Variants in FAM151B observed in about 807,000 individuals in gnomAD.
FAM151B encodes the protein family with sequence similarity 151 member B, also known as protein FAM151B.
A neutral mutation model predicts 31.2 loss-of-function variants in FAM151B; 24 were observed. That is an observed-to-expected ratio of 0.77 (90% CI 0.56 to 1.08). FAM151B has a LOEUF of 1.08. Among genes scored for constraint, FAM151B ranks in the 50% least tolerant of loss-of-function variants. The pLI is 0.00. For missense variants in FAM151B, 293 were observed against 328.6 expected, an observed-to-expected ratio of 0.89 and a Z score of 0.84; for synonymous variants, 105 against 111.4, an observed-to-expected ratio of 0.94 and a Z score of 0.36.
At chr5:80,504,402 G>A (rs1041863659) in intron 2 of FAM151B, among the ~76,000 whole-genome samples, 6 of 151,190 alleles carry the variant, frequency 4.0e-5, no homozygotes, top group African/African-American at 1.5e-4. Flanking sequence ...TTTCATGTAG[G>A]AGACCTTAGG....
chr5:80,491,227 T>C (rs201350570), intron 1 of FAM151B, among the ~76,000 whole-genome samples: 391 of 123,552 alleles, frequency 3.2e-3, no homozygotes, highest in African/African-American at 9.0e-3. Flanking sequence ...TTATTATTAT[T>C]ATCATTGAGA....
intron 5 of FAM151B, among the ~76,000 whole-genome samples, chr5:80,529,383 A>G (rs931405751): frequency 8.5e-5 from 13 of 152,228 alleles, no homozygotes; most frequent in African/African-American, 3.1e-4. Flanking sequence ...GAAATAACTA[A>G]GATCAGAGCA....
intron 5 of FAM151B, among the ~76,000 whole-genome samples, chr5:80,533,903 A>C (rs1276271423): frequency 6.6e-6 from 1 of 152,124 alleles, no homozygotes; most frequent in Non-Finnish European, 1.5e-5. Flanking sequence ...CAAATAAATA[A>C]AATCAGATAT....
At chr5:80,490,093 T>C (rs1262310307) in intron 1 of FAM151B, among the ~76,000 whole-genome samples, 1 of 145,660 alleles carries the variant, frequency 6.9e-6, no homozygotes, top group African/African-American at 2.6e-5. Context: ...ATAGGATGTA[T>C]AGTGAAAAGT....
chr5:80,535,457 T>C (rs1290253573), intron 5 of FAM151B, among the ~76,000 whole-genome samples: 2 of 152,064 alleles, frequency 1.3e-5, no homozygotes, highest in Non-Finnish European at 2.9e-5. Flanking sequence ...ACACCTACAG[T>C]GTTTTCACAA....
At chr5:80,498,773 A>G in intron 1 of FAM151B, 1 of 545,158 alleles carries the variant, frequency 1.8e-6, no homozygotes, top group East Asian at 4.4e-5. Flanking sequence ...CACCACCACA[A>G]AGTCTCAACC....
chr5:80,500,441 A>G (rs1343643332), intron 1 of FAM151B: 16 of 1,041,466 alleles, frequency 1.5e-5, no homozygotes, highest in Non-Finnish European at 2.4e-5. Flanking sequence ...AAAGAAGTTT[A>G]CCCAAAAGAT....
At chr5:80,538,725 T>C (rs1745720164) in intron 5 of FAM151B, among the ~76,000 whole-genome samples, 1 of 151,316 alleles carries the variant, frequency 6.6e-6, no homozygotes, top group African/African-American at 2.4e-5. Flanking sequence ...ACCTCCCCAG[T>C]AGCTGGGATT....
At chr5:80,497,256 T>C (rs1020895942) in intron 1 of FAM151B, among the ~76,000 whole-genome samples, 25 of 151,976 alleles carry the variant, frequency 1.6e-4, no homozygotes, top group Non-Finnish European at 8.8e-5. Context: ...TGAAACACCA[T>C]TTCTACTAAA....
At chr5:80,490,761 G>A (rs538807966) in intron 1 of FAM151B, among the ~76,000 whole-genome samples, 2 of 152,172 alleles carry the variant, frequency 1.3e-5, no homozygotes, top group African/African-American at 4.8e-5. Flanking sequence ...CCTTTTTATG[G>A]CCAAAAAAGG....
chr5:80,498,141 C>T (rs180741035), intron 1 of FAM151B, among the ~76,000 whole-genome samples: 1 of 152,270 alleles, frequency 6.6e-6, no homozygotes, highest in African/African-American at 2.4e-5. Context: ...TATTGTTGGA[C>T]ATTTGTTATA....
intron 1 of FAM151B, chr5:80,500,680 C>G: frequency 1.3e-6 from 1 of 783,920 alleles, no homozygotes; most frequent in Non-Finnish European, 2.3e-6. Context: ...TTCATCAAAT[C>G]TTCAGTGGAA....
At position 80,498,167 on chromosome 5, in the gene FAM151B, G is replaced by A. The variant is rs936115701; in HGVS notation, c.26-3625G>A. On this transcript the variant is annotated intron_variant, in intron 1 of 5. Coordinates refer to ENST00000282226, the MANE Select transcript of FAM151B (RefSeq NM_205548.3). ...ATTTGTTATAGCCAATCAATAATGTGCCTTCTAAAATGGCTACCTTAATAT... is the reference window on the plus strand; with the variant it reads ...ATTTGTTATAGCCAATCAATAATGTACCTTCTAAAATGGCTACCTTAATAT... 9.2e-5 allele frequency among the ~76,000 whole-genome samples: 14 copies of A among 152,198 alleles called. No individual in the cohort carries two copies. The East Asian group carries it at 2.5e-3, about 27-fold the overall frequency.
intron 2 of FAM151B, among the ~76,000 whole-genome samples, chr5:80,509,416 A>G (rs550820603): frequency 7.7e-4 from 118 of 152,264 alleles, no homozygotes; most frequent in African/African-American, 2.8e-3. Context: ...CTTCCACCAG[A>G]TGAAAATGCA....
intron 3 of FAM151B, among the ~76,000 whole-genome samples, chr5:80,518,176 G>C (rs1041371251): frequency 6.6e-6 from 1 of 151,774 alleles, no homozygotes; most frequent in African/African-American, 2.4e-5. Flanking sequence ...AGCCTAAAAG[G>C]CTCCCTCCTG....
At chr5:80,513,871 C>A in intron 3 of FAM151B, 102 bp downstream of exon 3, 3 of 1,137,368 alleles carry the variant, frequency 2.6e-6, no homozygotes, top group Non-Finnish European at 3.7e-6. Flanking sequence ...GAATTGTAGA[C>A]TCTAATATAT....
intron 2 of FAM151B, among the ~76,000 whole-genome samples, chr5:80,504,514 C>CTTTTT (rs11340979): frequency 4.3e-4 from 25 of 58,736 alleles, no homozygotes; most frequent in African/African-American, 1.1e-3. Flanking sequence ...GACTATTACT[C>CTTTTT]TTTTTTTTTT....
At chr5:80,499,379 T>G (rs1413905211) in intron 1 of FAM151B, among the ~76,000 whole-genome samples, 1 of 152,214 alleles carries the variant, frequency 6.6e-6, no homozygotes, top group Admixed American at 6.5e-5. Flanking sequence ...GATAAACTTA[T>G]GAATGCTAAT....
At chr5:80,500,259 T>G in intron 1 of FAM151B, 1 of 587,030 alleles carries the variant, frequency 1.7e-6, no homozygotes, top group Non-Finnish European at 3.0e-6. Flanking sequence ...GCAAAGGAAA[T>G]GGGGAGATGT....
Sources: allele counts gnomAD v4.1 joint callset (sites outside exome capture counted in the v4.1 genomes callset), GRCh38; gene constraint gnomAD v4.1.1; transcripts MANE v1.5; gene names NCBI Gene and HGNC (gene_info 2026-07-23, HGNC 2026-07-21).